Variants in NALF1 observed in about 807,000 individuals in gnomAD.
NALF1 encodes the protein family with sequence similarity 155 member A.
A neutral mutation model predicts 48.4 loss-of-function variants in NALF1; 3 were observed. The ratio of observed to expected loss-of-function variants is 0.06; its 90% confidence interval spans 0.03 to 0.16. The LOEUF is 0.16. Ranked by LOEUF, NALF1 falls within the 10% of genes least tolerant of loss-of-function variation. NALF1 has a pLI of 1.00. For missense variants in NALF1, 526 were observed against 571.5 expected (o/e 0.92, Z 0.81); for synonymous variants, 262 against 245.7 (o/e 1.07, Z -0.62).
At chr13:107,590,816 A>G (rs913532223) in intron 1 of NALF1, among the ~76,000 whole-genome samples, 1 of 151,966 alleles carries the variant, frequency 6.6e-6, no homozygotes, top group Non-Finnish European at 1.5e-5. Context: ...TCTCATGTAC[A>G]GTTTTGATGA....
At chr13:107,364,734 T>A (rs1883121032) in intron 1 of NALF1, among the ~76,000 whole-genome samples, 1 of 152,090 alleles carries the variant, frequency 6.6e-6, no homozygotes. Flanking sequence ...ATCTTCACTG[T>A]AATACAGAAA....
At chr13:107,352,265 G>A (rs1263452690) in intron 1 of NALF1, among the ~76,000 whole-genome samples, 1 of 152,148 alleles carries the variant, frequency 6.6e-6, no homozygotes, top group African/African-American at 2.4e-5. Flanking sequence ...ATAATGAGGT[G>A]TGTCTGACCT....
intron 1 of NALF1, among the ~76,000 whole-genome samples, chr13:107,277,903 G>A (rs888176120): frequency 1.3e-5 from 2 of 152,138 alleles, no homozygotes; most frequent in Middle Eastern, 3.2e-3. Context: ...TCTGTCCTGC[G>A]TTCTCCCACA....
intron 1 of NALF1, among the ~76,000 whole-genome samples, chr13:107,409,897 C>CGG (rs959721558): frequency 5.9e-5 from 9 of 152,178 alleles, no homozygotes; most frequent in African/African-American, 1.7e-4. Flanking sequence ...TTTAGTGCCC[C>CGG]AGCCCATAGC....
At chr13:107,657,709 A>G (rs1387697447) in intron 1 of NALF1, among the ~76,000 whole-genome samples, 1 of 152,156 alleles carries the variant, frequency 6.6e-6, no homozygotes, top group African/African-American at 2.4e-5. Flanking sequence ...CCCACTCCTA[A>G]TTCCATCTAA....
At chr13:107,729,847 G>C (rs576792017) in intron 1 of NALF1, among the ~76,000 whole-genome samples, 2 of 152,160 alleles carry the variant, frequency 1.3e-5, no homozygotes, top group Non-Finnish European at 2.9e-5. Context: ...TGTAGCTGCC[G>C]TGGCCACATA....
At chr13:107,255,129 G>A (rs1216367485) in intron 1 of NALF1, among the ~76,000 whole-genome samples, 2 of 152,116 alleles carry the variant, frequency 1.3e-5, no homozygotes, top group Non-Finnish European at 2.9e-5. Flanking sequence ...TTCACTTACA[G>A]ACCTGCCATT....
chr13:107,381,053 AAAGT>A (rs1883429559), intron 1 of NALF1, among the ~76,000 whole-genome samples: 1 of 149,846 alleles, frequency 6.7e-6, no homozygotes, highest in African/African-American at 2.4e-5. Flanking sequence ...TGTAAAATAA[AAAGT>A]AAATATTCAT....
intron 1 of NALF1, among the ~76,000 whole-genome samples, chr13:107,281,139 A>G (rs1022874): frequency 0.34 from 51,697 of 152,112 alleles, 10,772 homozygotes; most frequent in South Asian, 0.54. Context: ...CGACACATGC[A>G]AGGTACTGCT....
At chr13:107,449,134 C>G (rs775445087) in intron 1 of NALF1, among the ~76,000 whole-genome samples, 1 of 152,136 alleles carries the variant, frequency 6.6e-6, no homozygotes, top group Non-Finnish European at 1.5e-5. Context: ...ATCCCAGCTA[C>G]GCGGAAGGAT....
intron 1 of NALF1, among the ~76,000 whole-genome samples, chr13:107,576,773 T>C (rs1878165003): frequency 6.6e-6 from 1 of 152,090 alleles, no homozygotes; most frequent in African/African-American, 2.4e-5. Flanking sequence ...ATGCCATGTA[T>C]TAAAAATGAC....
chr13:107,376,385 T>G (rs1199164877), intron 1 of NALF1, among the ~76,000 whole-genome samples: 1 of 152,224 alleles, frequency 6.6e-6, no homozygotes, highest in East Asian at 1.9e-4. Flanking sequence ...TCAACTGTTT[T>G]TTAGGCAATT....
intron 1 of NALF1, 85 bp downstream of exon 1, chr13:107,865,597 A>C: frequency 1.3e-6 from 2 of 1,507,642 alleles, no homozygotes; most frequent in Non-Finnish European, 1.8e-6. Flanking sequence ...TAGCCAAAAA[A>C]TAATAATAAT....
chr13:107,317,348 A>G (rs1446639129), intron 1 of NALF1, among the ~76,000 whole-genome samples: 1 of 152,100 alleles, frequency 6.6e-6, no homozygotes, highest in Non-Finnish European at 1.5e-5. Context: ...TGGGGTGCCA[A>G]TCACCGATTT....
chr13:107,338,352 T>C (rs1281869532), intron 1 of NALF1, among the ~76,000 whole-genome samples: 1 of 152,118 alleles, frequency 6.6e-6, no homozygotes, highest in African/African-American at 2.4e-5. Flanking sequence ...GTATGGGAAA[T>C]GAGGTATAAC....
chr13:107,412,335 T>A (rs919859636), intron 1 of NALF1, among the ~76,000 whole-genome samples: 1 of 152,194 alleles, frequency 6.6e-6, no homozygotes, highest in Non-Finnish European at 1.5e-5. Flanking sequence ...AAAAATTTAA[T>A]AATAGTAATT....
intron 1 of NALF1, among the ~76,000 whole-genome samples, chr13:107,394,923 G>A (rs1452872774): frequency 2.6e-5 from 4 of 152,116 alleles, no homozygotes; most frequent in Admixed American, 6.6e-5. Context: ...ACCAGAAATG[G>A]CAGGAGATGT....
chr13:107,565,091 A>C (rs1877762811), intron 1 of NALF1, among the ~76,000 whole-genome samples: 1 of 143,712 alleles, frequency 7.0e-6, no homozygotes, highest in Admixed American at 7.0e-5. Context: ...AAAACCTAGC[A>C]TAAGTAAAAG....
At chr13:107,533,906 T>C (rs1228087394) in intron 1 of NALF1, among the ~76,000 whole-genome samples, 2 of 152,042 alleles carry the variant, frequency 1.3e-5, no homozygotes, top group African/African-American at 4.8e-5. Flanking sequence ...AATATAGAGT[T>C]AACATTAATG....
Sources: gnomAD v4.1 joint callset for allele counts (sites outside exome capture counted in the v4.1 genomes callset) on GRCh38, gnomAD v4.1.1 for gene constraint, MANE v1.5 for transcripts, NCBI Gene and HGNC (gene_info 2026-07-23, HGNC 2026-07-21) for gene names.